The following ARAP1 variants were observed in gnomAD, a reference collection of about 807,000 sequenced individuals.
ARAP1 encodes the protein ArfGAP with RhoGAP domain, ankyrin repeat and PH domain 1.
In ARAP1, 76 loss-of-function variants were observed where a neutral mutation model predicts 172.2. The ratio of observed to expected loss-of-function variants is 0.44; its 90% CI spans 0.37 to 0.53. ARAP1 has a LOEUF of 0.53. Among genes scored for constraint, ARAP1 ranks in the 20% least tolerant of loss-of-function variants. The probability of loss-of-function intolerance (pLI) is 0.00; values close to 1 mark genes in which losing one functional copy is unlikely to be tolerated. For missense variants in ARAP1, 1,686 were observed against 1,977.5 expected (o/e 0.85, Z 2.80); for synonymous variants, 804 against 803.3 (o/e 1.00, Z -0.01).
At chr11:72,744,159 T>C (rs749297043) in intron 1 of ARAP1, among the ~76,000 whole-genome samples, 72 of 149,874 alleles carry the variant, frequency 4.8e-4, no homozygotes, top group Middle Eastern at 3.4e-3. Context: ...TCTGTGACTG[T>C]GTGTGTCACC....
At chr11:72,712,814 G>C in intron 5 of ARAP1, 1 of 629,244 alleles carries the variant, frequency 1.6e-6, no homozygotes, top group Non-Finnish European at 2.8e-6. Context: ...TAAAGGGACA[G>C]AGAAAAAGAC....
chr11:72,736,078 T>A (rs1325380207), intron 1 of ARAP1, among the ~76,000 whole-genome samples: 1 of 152,212 alleles, frequency 6.6e-6, no homozygotes, highest in African/African-American at 2.4e-5. Context: ...GACAGAATCA[T>A]CAGTACTGTT....
Position 72,726,993 on chromosome 11 carries a change from G to T in ARAP1, c.136C>A (p.Leu46Met), listed in dbSNP as rs1469734708. The T allele has an allele frequency of 6.2e-7, 1 of 1,605,922 alleles. No homozygotes were observed. Among genetic ancestry groups the T allele is most frequent in the South Asian group, 1.1e-5 (1 of 89,694 alleles). Residue 46 changes from leucine (L) to methionine (M), a missense_variant, in exon 3 of 35, where the codon CTG becomes ATG. Coordinates refer to ENST00000393609, the MANE Select transcript of ARAP1 (RefSeq NM_001040118.3). This position sits in a 1 kb window ranked among gnomAD's most constrained non-coding sequence, Gnocchi z 6.5. Reference protein sequence around the residue: ...TECQGLSDTRLMDMGMLLPGH... With the variant: ...TECQGLSDTRMMDMGMLLPGH... The stretch of plus-strand genomic sequence containing the variant: ...GGGAGTAGCATGCCCATGTCCATCA[G>T]GCGGGTGTCGCTGAGGCCTTGGCAC...
At chr11:72,721,365 G>A (rs1037517857) in intron 3 of ARAP1, among the ~76,000 whole-genome samples, 1 of 152,178 alleles carries the variant, frequency 6.6e-6, no homozygotes, top group Non-Finnish European at 1.5e-5. Context: ...CTGGTCTGGG[G>A]GTGAGAGGTT....
intron 1 of ARAP1, among the ~76,000 whole-genome samples, chr11:72,744,516 T>C (rs1038556962): frequency 1.3e-5 from 2 of 152,162 alleles, no homozygotes; most frequent in African/African-American, 4.8e-5. Context: ...CTTAGGCACT[T>C]AGGAACCACC....
intron 34 of ARAP1, 141 bp downstream of exon 34, chr11:72,685,901 G>A (rs1855656632): frequency 6.7e-7 from 1 of 1,497,894 alleles, no homozygotes; most frequent in Admixed American, 1.7e-5. Context: ...AGAGGCCTAT[G>A]AGGGCCCCCA....
chr11:72,694,872 C>A (rs1272203985), intron 27 of ARAP1, 108 bp downstream of exon 27: 1 of 914,332 alleles, frequency 1.1e-6, no homozygotes, highest in African/African-American at 1.6e-5. Context: ...GTCATCAAAG[C>A]CCTTTTCACC....
rs1247723127 is a variant in ARAP1 at position 72,747,329 on chromosome 11, T to C, written c.-128+4999A>G. Among the ~76,000 whole-genome samples, 5 of 152,162 alleles carry C rather than the reference T, an allele frequency of 3.3e-5. No individual in the cohort carries two copies. In the East Asian group the frequency reaches 7.7e-4, roughly 23 times the overall value. On this transcript the variant is annotated intron_variant, in intron 1 of 34. Transcript: ENST00000393609. ...ATCTTCCTCTAGGCCCCTCTGACCC[T>C]GAGCCCCACACACTGGACCATAGGT...
chr11:72,714,429 C>T (rs1857184547), intron 3 of ARAP1, 108 bp from the exon 4 acceptor site: 1 of 1,124,236 alleles, frequency 8.9e-7, no homozygotes, highest in Non-Finnish European at 1.3e-6. Context: ...ACTACACAAA[C>T]TCACACAGAC....
chr11:72,729,748 T>C (rs150256062), intron 2 of ARAP1, among the ~76,000 whole-genome samples: 266 of 149,906 alleles, frequency 1.8e-3, no homozygotes, highest in African/African-American at 6.4e-3. Context: ...CAAGACTCTG[T>C]CTCTACTAAA....
intron 3 of ARAP1, chr11:72,722,188 A>G: frequency 1.0e-6 from 1 of 985,292 alleles, no homozygotes; most frequent in Non-Finnish European, 1.2e-6. Flanking sequence ...AGAGGGAGAG[A>G]GAGAGAGAGT....
In ARAP1 at chr11:72,705,860, G is replaced by A. The variant is rs760718552; in HGVS notation, c.1754C>T (p.Ser585Phe). ...GEHRGLGAGV[S>F]KVRSLKMDRK... ...GTCCATCTTCAGGCTCCGCACCTTG[G>A]AGACGCCAGCGCCCAGGCCACGGTG... Residue 585 changes from serine (S) to phenylalanine (F), a missense_variant, in exon 13 of 35, where the codon TCC becomes TTC. Transcript: ENST00000393609. The A allele has an allele frequency of 5.6e-6, 9 of 1,614,008 alleles. No homozygotes were observed. Among genetic ancestry groups the A allele is most frequent in the Admixed American group, 5.0e-5 (3 of 60,000 alleles).
At chr11:72,696,013 G>T (rs1209869047) in intron 23 of ARAP1, 148 bp from the exon 24 acceptor site, 3 of 1,059,246 alleles carry the variant, frequency 2.8e-6, no homozygotes, top group East Asian at 5.3e-5. Context: ...GCCATATCTT[G>T]GGTCCTGGTA....
At position 72,729,968 on chromosome 11, in the gene ARAP1, G is replaced by A. The variant is rs1447864112; in HGVS notation, c.-45+2547C>T. Among the ~76,000 whole-genome samples the A allele has an allele frequency of 2.0e-5, 3 of 151,506 alleles. No homozygotes were observed. In the East Asian group the frequency reaches 5.8e-4, roughly 29 times the overall value. On this transcript the variant is annotated intron_variant, in intron 2 of 34. Coordinates refer to ENST00000393609, the MANE Select transcript of ARAP1 (RefSeq NM_001040118.3). ...CATTTCAGAGAGGCAAAAGCCTTCT[G>A]GAAATGAAACAAGTCCAGAAGGCAC...
In ARAP1 at chr11:72,710,700, C is replaced by T; in HGVS notation, c.1214-113G>A. The T allele has an allele frequency of 8.4e-7, 1 of 1,186,724 alleles. No individual in the cohort carries two copies. The highest frequency in any genetic ancestry group is 1.2e-6 in the Non-Finnish European group (1 of 868,000). The allele number at this position is 1,186,724 out of a possible 1,614,324, so 73.5% of individuals were successfully genotyped here. A position where few individuals can be genotyped will look rare whatever the true frequency, so the allele number is the denominator to read the frequency against. ...CTCCAGAAAGCCCACTCAGATGCCC[C>T]CATCATTTTGCTTGACTTCTCTGAC... On this transcript the variant is annotated intron_variant, in intron 9 of 34. Coordinates refer to ENST00000393609, the MANE Select transcript of ARAP1 (RefSeq NM_001040118.3). The surrounding 1 kb of genome is among the most constrained non-coding windows in gnomAD (Gnocchi z 4.3).
intron 1 of ARAP1, among the ~76,000 whole-genome samples, chr11:72,736,568 G>A (rs985974630): frequency 1.3e-5 from 2 of 152,058 alleles, no homozygotes; most frequent in Non-Finnish European, 2.9e-5. Flanking sequence ...CTGGCAGAAG[G>A]GAGTGTCATC....
chr11:72,700,610 G>A (rs1856438084), intron 16 of ARAP1: 1 of 152,302 alleles, frequency 6.6e-6, no homozygotes, highest in Non-Finnish European at 1.5e-5. Context: ...GGGGGCTACA[G>A]GCAGTGGTGG....
Position 72,697,096 on chromosome 11 carries a change from T to C in ARAP1, c.3053A>G (p.Lys1018Arg). The part of the protein sequence containing the change: ...LRQDARSVHL[K>R]EGEQHVDDVS... ...ATCATCCACGTGCTGCTCGCCCTCC[T>C]TGAGGTGCACAGAGCGCGCATCCTG... Residue 1018 changes from lysine to arginine, a missense_variant, in exon 22 of 35, where the codon AAG (lysine) becomes AGG (arginine). Physicochemically the swap from Lys to Arg is conservative, Grantham distance 26. This residue lies in a region of ARAP1 where 274 missense variants were observed against 262.7 expected (regional missense o/e 1.04). Coordinates refer to ENST00000393609, the MANE Select transcript of ARAP1 (RefSeq NM_001040118.3). The C allele has an allele frequency of 6.2e-7, 1 of 1,609,228 alleles. No homozygotes were observed. Among genetic ancestry groups the C allele is most frequent in the Non-Finnish European group, 8.5e-7 (1 of 1,179,914 alleles).
At position 72,686,093 on chromosome 11, in the gene ARAP1, A is replaced by ACTAC; in HGVS notation, c.4280_4283dup (p.Ser1428ArgfsTer2). 1 of 1,614,016 alleles carries ACTAC rather than the reference A, an allele frequency of 6.2e-7. No homozygotes were observed. The highest frequency in any genetic ancestry group is 8.5e-7 in the Non-Finnish European group (1 of 1,180,010). ...CCACACTCCGGCGCATTTCATTTTC[A>ACTAC]CTACCTCGAAGGGGGATCAGTGACA... On this transcript the variant is annotated stop_gained and frameshift_variant, in exon 34 of 35. Coordinates refer to ENST00000393609, the MANE Select transcript of ARAP1 (RefSeq NM_001040118.3). LOFTEE classifies it high-confidence loss of function.
Sources: allele counts gnomAD v4.1 joint callset (sites outside exome capture counted in the v4.1 genomes callset), GRCh38; gene constraint gnomAD v4.1.1; regional missense constraint gnomAD v4.1.1; non-coding constraint Gnocchi (gnomAD v3.1); transcripts MANE v1.5; gene names NCBI Gene and HGNC (gene_info 2026-07-23, HGNC 2026-07-21).